The following RPS6KC1 variants were observed in gnomAD, a reference collection of about 807,000 sequenced individuals.
The protein encoded by RPS6KC1 is ribosomal protein S6 kinase C1.
RPS6KC1 carries 54 observed loss-of-function variants against 103.8 expected under a neutral mutation model. The ratio of observed to expected loss-of-function variants is 0.52; its 90% CI spans 0.42 to 0.65. The LOEUF (loss-of-function observed/expected upper bound fraction) is 0.65. Among genes scored for constraint, RPS6KC1 ranks in the 30% least tolerant of loss-of-function variants. The pLI, the probability that RPS6KC1 is intolerant of heterozygous loss-of-function variation, is 0.00. For missense variants in RPS6KC1, 1,151 were observed against 1,253.8 expected (o/e 0.92, Z 1.24); for synonymous variants, 439 against 438.7 (o/e 1.00, Z -0.01).
the RPS6KC1 span, among the ~76,000 whole-genome samples, chr1:213,478,776 A>G: frequency 7.2e-4 from 110 of 152,162 alleles, no homozygotes; most frequent in African/African-American, 2.5e-3. Context: ...TTTTGTAAAT[A>G]TTTTCTTCTA....
chr1:213,502,947 T>G, the RPS6KC1 span, among the ~76,000 whole-genome samples: 2 of 152,142 alleles, frequency 1.3e-5, no homozygotes, highest in Non-Finnish European at 2.9e-5. Context: ...GGAAAGCATA[T>G]GAAATTGAGG....
chr1:213,649,015 C>T, the RPS6KC1 span, among the ~76,000 whole-genome samples: 9 of 152,208 alleles, frequency 5.9e-5, no homozygotes, highest in South Asian at 2.1e-4. Flanking sequence ...CACCTACAAA[C>T]GCTCCCTTTT....
At chr1:213,350,960 A>G in the RPS6KC1 span, among the ~76,000 whole-genome samples, 3 of 152,160 alleles carry the variant, frequency 2.0e-5, no homozygotes, top group African/African-American at 4.8e-5. Context: ...CTTGTCGTCA[A>G]ATGTTTTCTA....
At chr1:213,487,146 T>C in the RPS6KC1 span, among the ~76,000 whole-genome samples, 1 of 152,206 alleles carries the variant, frequency 6.6e-6, no homozygotes, top group Non-Finnish European at 1.5e-5. Flanking sequence ...CTCATGACTG[T>C]AATCCTAGCA....
chr1:213,537,185 G>A, the RPS6KC1 span, among the ~76,000 whole-genome samples: 2 of 152,128 alleles, frequency 1.3e-5, no homozygotes, highest in African/African-American at 2.4e-5. Flanking sequence ...TGCTCCTTGC[G>A]ATAGGCAGGG....
At chr1:213,579,595 G>A in the RPS6KC1 span, among the ~76,000 whole-genome samples, 1 of 152,026 alleles carries the variant, frequency 6.6e-6, no homozygotes, top group Admixed American at 6.5e-5. Flanking sequence ...ATGCCATCTA[G>A]GACTTTCTTA....
the RPS6KC1 span, among the ~76,000 whole-genome samples, chr1:213,386,162 G>T: frequency 3.9e-5 from 6 of 152,080 alleles, no homozygotes; most frequent in African/African-American, 9.7e-5. Flanking sequence ...AAAAGCAACT[G>T]GCACCTTTCC....
chr1:213,561,952 A>C, the RPS6KC1 span, among the ~76,000 whole-genome samples: 1 of 152,180 alleles, frequency 6.6e-6, no homozygotes, highest in South Asian at 2.1e-4. Flanking sequence ...AGTAGGGTCA[A>C]GGTTGCACTT....
chr1:213,384,283 A>AAAAT, the RPS6KC1 span, among the ~76,000 whole-genome samples: 1,404 of 145,168 alleles, frequency 9.7e-3, 23 homozygotes, highest in African/African-American at 0.036. Context: ...CTCAAAAAAA[A>AAAAT]ATATATATAT....
At chr1:213,773,658 G>A in the RPS6KC1 span, among the ~76,000 whole-genome samples, 3 of 151,806 alleles carry the variant, frequency 2.0e-5, no homozygotes, top group Non-Finnish European at 2.9e-5. Context: ...TTCGTAAGGC[G>A]GGCTGCCAGG....
the RPS6KC1 span, among the ~76,000 whole-genome samples, chr1:213,531,668 A>G: frequency 6.6e-6 from 1 of 152,250 alleles, no homozygotes; most frequent in African/African-American, 2.4e-5. Context: ...TGACTTAGAC[A>G]TATCAAAGTT....
At chr1:213,510,103 G>A in the RPS6KC1 span, among the ~76,000 whole-genome samples, 1 of 152,204 alleles carries the variant, frequency 6.6e-6, no homozygotes. Flanking sequence ...ACTAATTGCT[G>A]AGGGGATGGT....
chr1:213,304,226 A>T, the RPS6KC1 span, among the ~76,000 whole-genome samples: 3 of 137,444 alleles, frequency 2.2e-5, no homozygotes, highest in African/African-American at 5.2e-5. Context: ...AAAAAAAAAA[A>T]GAAGGTATAG....
At chr1:213,177,023 G>A (rs1344349772) in intron 8 of RPS6KC1, among the ~76,000 whole-genome samples, 1 of 152,078 alleles carries the variant, frequency 6.6e-6, no homozygotes, top group Non-Finnish European at 1.5e-5. Flanking sequence ...AATTTAGGAT[G>A]GTGCTGGGAT....
At chr1:213,512,563 T>C in the RPS6KC1 span, among the ~76,000 whole-genome samples, 1 of 152,214 alleles carries the variant, frequency 6.6e-6, no homozygotes, top group Non-Finnish European at 1.5e-5. Flanking sequence ...TGGTACAAAC[T>C]GCTGGAGTTC....
chr1:213,431,823 G>A, the RPS6KC1 span, among the ~76,000 whole-genome samples: 2 of 151,996 alleles, frequency 1.3e-5, no homozygotes, highest in African/African-American at 2.4e-5. Flanking sequence ...CATGCACTAC[G>A]GATGAAATTG....
Position 213,051,358 on chromosome 1 carries a change from C to T in RPS6KC1, c.-47C>T, listed in dbSNP as rs563851540. 52 of 1,473,798 alleles carry T rather than the reference C, an allele frequency of 3.5e-5. No homozygotes were observed. In the African/African-American group the frequency reaches 5.4e-4, roughly 15 times the overall value. The allele number at this position is 1,473,798 out of a possible 1,614,324, so 91.3% of individuals were successfully genotyped here. Reference sequence around the variant, plus strand: ...CTGGACCGCGGCGGCGCCGGGTTTCCCTCATGATCCCGGGCGGGTGGCGGC... The same window carrying T: ...CTGGACCGCGGCGGCGCCGGGTTTCTCTCATGATCCCGGGCGGGTGGCGGC... On this transcript the variant is annotated 5_prime_UTR_variant, in exon 1 of 15. Coordinates refer to ENST00000366960, the MANE Select transcript of RPS6KC1 (RefSeq NM_012424.6).
intron 6 of RPS6KC1, among the ~76,000 whole-genome samples, chr1:213,137,585 G>C (rs2086433409): frequency 6.6e-6 from 1 of 151,234 alleles, no homozygotes; most frequent in Non-Finnish European, 1.5e-5. Flanking sequence ...TGCCCACCTT[G>C]GCCTCCCAAA....
chr1:213,726,132 TG>T, the RPS6KC1 span, among the ~76,000 whole-genome samples: 3 of 152,206 alleles, frequency 2.0e-5, no homozygotes, highest in Admixed American at 1.3e-4. Flanking sequence ...TCACCCAGGC[TG>T]GAGTACAGTG....
Sources: allele counts gnomAD v4.1 joint callset (sites outside exome capture counted in the v4.1 genomes callset), GRCh38; gene constraint gnomAD v4.1.1; transcripts MANE v1.5; gene names NCBI Gene and HGNC (gene_info 2026-07-23, HGNC 2026-07-21).